Variants in MAN2B2 observed in about 807,000 individuals in gnomAD.
MAN2B2 encodes epididymis-specific alpha-mannosidase.
Under a neutral mutation model 117.1 loss-of-function variants are expected in MAN2B2, and 106 were observed. The observed-to-expected ratio is 0.90, with a 90% confidence interval of 0.77 to 1.06. The LOEUF (loss-of-function observed/expected upper bound fraction) is 1.06, where lower values mean the gene tolerates loss of function less well. Among genes scored for constraint, MAN2B2 ranks in the 50% least tolerant of loss-of-function variants. The pLI is 0.00. For missense variants in MAN2B2, 1,326 were observed against 1,381.4 expected (o/e 0.96, Z 0.64); for synonymous variants, 544 against 595.1 (o/e 0.91, Z 1.25).
chr4:6,593,243 A>C lies in MAN2B2; in HGVS notation c.751A>C (p.Ser251Arg). The C allele has an allele frequency of 1.2e-6, 2 of 1,613,952 alleles. No homozygotes were observed. Among genetic ancestry groups the C allele is most frequent in the Non-Finnish European group, 1.7e-6 (2 of 1,179,932 alleles). ...CCAAGATGGGGTGTACCCCAACATGAGTGAGCCTGTCACCCCAGCCAACAT... is the reference window on the plus strand; with the variant it reads ...CCAAGATGGGGTGTACCCCAACATGCGTGAGCCTGTCACCCCAGCCAACAT... The part of the protein sequence containing the change: ...PPQDGVYPNM[S>R]EPVTPANINL... The change falls in exon 6 of 19, where the codon AGT (serine) becomes CGT (arginine). Residue 251 changes from serine to arginine, a missense_variant. Physicochemically the swap from Ser to Arg is moderately radical, Grantham distance 110. Transcript: ENST00000285599.
chr4:6,612,862 C>T (rs1711637096), intron 15 of MAN2B2, among the ~76,000 whole-genome samples: 1 of 152,224 alleles, frequency 6.6e-6, no homozygotes, highest in Non-Finnish European at 1.5e-5. Context: ...TGGTGAGGCC[C>T]ACATAACCAA....
intron 3 of MAN2B2, among the ~76,000 whole-genome samples, chr4:6,580,925 G>A (rs544087921): frequency 2.0e-5 from 3 of 152,316 alleles, no homozygotes; most frequent in Admixed American, 6.5e-5. Context: ...AGGCTGTGTC[G>A]CTCTGGGGCA....
chr4:6,604,151 G>A (rs1198248955), intron 10 of MAN2B2, among the ~76,000 whole-genome samples: 5 of 152,220 alleles, frequency 3.3e-5, no homozygotes, highest in African/African-American at 1.2e-4. Context: ...CAGGAAGGAA[G>A]GGTTGGTGAT....
intron 1 of MAN2B2, 142 bp downstream of exon 1, chr4:6,575,490 C>T: frequency 1.8e-6 from 1 of 552,354 alleles, no homozygotes; most frequent in Non-Finnish European, 3.0e-6. Flanking sequence ...CTGCCATTGA[C>T]TGGTTGCGTC....
In MAN2B2 at chr4:6,587,183, G is replaced by C. The variant is rs371031405; in HGVS notation, c.564+15G>C. The C allele has an allele frequency of 1.2e-6, 2 of 1,605,748 alleles. No homozygotes were observed. On this transcript the variant is annotated intron_variant, in intron 4 of 18. Coordinates refer to ENST00000285599, the MANE Select transcript of MAN2B2 (RefSeq NM_015274.3). ...AGGAGGCCCGGGTGAGTGGTGTGCC[G>C]CGTCTGCTGCCGCCCAGCGACCGCT... is the stretch of plus-strand genomic sequence containing the variant.
chr4:6,602,124 T>G (rs1022708819), intron 10 of MAN2B2, among the ~76,000 whole-genome samples: 6 of 152,070 alleles, frequency 3.9e-5, no homozygotes, highest in Non-Finnish European at 8.8e-5. Flanking sequence ...TGGAGCAGGC[T>G]CCATATTCAA....
chr4:6,587,753 T>G (rs370208931), intron 4 of MAN2B2, among the ~76,000 whole-genome samples: 6 of 75,724 alleles, frequency 7.9e-5, no homozygotes, highest in Middle Eastern at 6.7e-3. Flanking sequence ...GGTTGTTGTT[T>G]TTTTTTTTTT....
intron 3 of MAN2B2, among the ~76,000 whole-genome samples, chr4:6,579,290 C>T (rs1011294896): frequency 1.1e-5 from 1 of 92,156 alleles, no homozygotes; most frequent in African/African-American, 3.8e-5. Flanking sequence ...CCATCACCAT[C>T]ACCACCACCA....
chr4:6,589,819 C>A (rs976993696), intron 5 of MAN2B2, among the ~76,000 whole-genome samples: 1 of 152,180 alleles, frequency 6.6e-6, no homozygotes, highest in South Asian at 2.1e-4. Context: ...GTGCCTCATG[C>A]CTGTAATCCC....
chr4:6,598,481 T>G, intron 9 of MAN2B2, 127 bp downstream of exon 9: 1 of 1,032,056 alleles, frequency 9.7e-7, no homozygotes, highest in South Asian at 1.7e-5. Context: ...CCCTTCCCCA[T>G]GGTGAGAGCT....
Position 6,610,813 on chromosome 4 carries a change from G to A in MAN2B2, c.2260-67G>A. The stretch of plus-strand genomic sequence containing the variant: ...TGGGGAGCACCAGCTGGGGTGGCCA[G>A]AGGGTGATGCCTGACCTACCTTGCC... On this transcript the variant is annotated intron_variant, in intron 13 of 18. Transcript: ENST00000285599. 2.8e-6 allele frequency: 4 copies of A among 1,408,682 alleles called. No homozygotes were observed. In the South Asian group the frequency reaches 4.6e-5, roughly 16 times the overall value. 87.3% of individuals were successfully genotyped at this position (1,408,682 alleles called of 1,614,324 possible). A position where few individuals can be genotyped will look rare whatever the true frequency, so the allele number is the denominator to read the frequency against.
At chr4:6,601,885 C>T (rs1455606462) in intron 10 of MAN2B2, among the ~76,000 whole-genome samples, 2 of 152,218 alleles carry the variant, frequency 1.3e-5, no homozygotes, top group South Asian at 4.1e-4. Context: ...CAATCAAAGC[C>T]GTGGTTCGAG....
In MAN2B2 at chr4:6,594,617, C is replaced by G. The variant is rs754765791; in HGVS notation, c.942C>G (p.Ala314=). The part of the protein sequence containing the change: ...PLLDHINSHA[A]ELGVSVQYAT... Reference sequence around the variant, plus strand: ...TGGACCACATCAACAGCCATGCTGCCGAGCTCGGTGTCTCGGTGCAGTATG... The same window carrying G: ...TGGACCACATCAACAGCCATGCTGCGGAGCTCGGTGTCTCGGTGCAGTATG... The change falls in exon 7 of 19, where the codon GCC becomes GCG. Residue 314 remains alanine (A), a synonymous_variant. Coordinates refer to ENST00000285599, the MANE Select transcript of MAN2B2 (RefSeq NM_015274.3). The G allele has an allele frequency of 7.4e-6, 12 of 1,613,622 alleles. No homozygotes were observed. The highest frequency in any genetic ancestry group is 1.3e-5 in the African/African-American group (1 of 75,060).
intron 8 of MAN2B2, among the ~76,000 whole-genome samples, chr4:6,597,747 G>T (rs924903416): frequency 1.3e-5 from 2 of 152,190 alleles, no homozygotes; most frequent in Non-Finnish European, 1.5e-5. Flanking sequence ...TGGTGCAGTG[G>T]CTGCTGAATA....
intron 9 of MAN2B2, 111 bp from the exon 10 acceptor site, chr4:6,600,512 G>A: frequency 1.5e-6 from 2 of 1,294,512 alleles, no homozygotes; most frequent in East Asian, 2.3e-5. Flanking sequence ...GAGTTCTGGA[G>A]GGCTGCATCT....
intron 7 of MAN2B2, among the ~76,000 whole-genome samples, chr4:6,595,888 G>C (rs148122848): frequency 2.0e-5 from 3 of 152,342 alleles, no homozygotes; most frequent in African/African-American, 7.2e-5. Flanking sequence ...GACCAGTGGG[G>C]CTGCATAGTC....
chr4:6,618,170 G>C (rs191193397), intron 17 of MAN2B2: 1 of 152,404 alleles, frequency 6.6e-6, no homozygotes, highest in African/African-American at 2.4e-5. Flanking sequence ...ATTTTTAGTA[G>C]AGACACGGTC....
rs370916504 is a variant in MAN2B2 at position 6,610,045 on chromosome 4, G to C, written c.2254G>C (p.Ala752Pro). 7.7e-5 allele frequency: 125 copies of C among 1,613,860 alleles called. No individual in the cohort carries two copies. Among genetic ancestry groups the C allele is most frequent in the South Asian group, 3.5e-4 (32 of 91,082 alleles). ...PYVSYVNNSI[A>P]RNYYPMVQSA... The stretch of plus-strand genomic sequence containing the variant: ...CGTTTCCTATGTGAACAACAGCATC[G>C]CCCGGGTATGTCCTGCAATGCCCAC... Residue 752 changes from alanine to proline, a missense_variant, in exon 13 of 19, where the codon GCC (alanine) becomes CCC (proline). Coordinates refer to ENST00000285599, the MANE Select transcript of MAN2B2 (RefSeq NM_015274.3).
In MAN2B2 at chr4:6,621,542, T is replaced by C. The variant is rs1342399197; in HGVS notation, c.*257T>C. ...TCCTCTTCTGTCACGTAAAGGATAT[T>C]TGGCACACTCATGCGTCATTCATTC... is the stretch of plus-strand genomic sequence containing the variant. On this transcript the variant is annotated 3_prime_UTR_variant, in exon 19 of 19. Coordinates refer to ENST00000285599, the MANE Select transcript of MAN2B2 (RefSeq NM_015274.3). 4.5e-6 allele frequency: 2 copies of C among 444,712 alleles called. No homozygotes were observed. Among genetic ancestry groups the C allele is most frequent in the Non-Finnish European group, 8.1e-6 (2 of 246,136 alleles). The allele number at this position is 444,712 out of a possible 1,614,324, so 27.5% of individuals were successfully genotyped here.
Sources: allele counts gnomAD v4.1 joint callset (sites outside exome capture counted in the v4.1 genomes callset), GRCh38; gene constraint gnomAD v4.1.1; transcripts MANE v1.5; gene names NCBI Gene and HGNC (gene_info 2026-07-23, HGNC 2026-07-21).